CNTNAP2: variants seen among roughly 807,000 people sequenced by gnomAD.
The protein encoded by CNTNAP2 is contactin-associated protein-like 2.
A neutral mutation model predicts 155.2 loss-of-function variants in CNTNAP2; 98 were observed. The observed-to-expected ratio is 0.63, with a 90% CI of 0.54 to 0.75. The LOEUF (loss-of-function observed/expected upper bound fraction) is 0.75. CNTNAP2 is among the 30% of genes least tolerant of loss of function. The pLI is 0.00. For missense variants in CNTNAP2, 1,727 were observed against 1,688.1 expected, an observed-to-expected ratio of 1.02 and a Z score of -0.40; for synonymous variants, 651 against 631.2, an observed-to-expected ratio of 1.03 and a Z score of -0.47.
At position 147,738,650 on chromosome 7, in the gene CNTNAP2, C is replaced by CTTTTTTTTTTTTTTT. The variant is rs111611444; in HGVS notation, c.2098+99355_2098+99356insTTTTTTTTTTTTTTT. Among the ~76,000 whole-genome samples, 5 of 57,544 alleles carry CTTTTTTTTTTTTTTT rather than the reference C, an allele frequency of 8.7e-5. 1 individual carries two copies. Among genetic ancestry groups the CTTTTTTTTTTTTTTT allele is most frequent in the African/African-American group, 1.9e-4 (3 of 15,418 alleles). The allele number at this position is 57,544 out of a possible 152,430, so 37.8% of individuals were successfully genotyped here. Reference sequence around the variant, plus strand: ...TAGACACAGTATAATGTAAACATAACTTTTTTTTTTTATTTTTTTTTTTAG... The same window carrying CTTTTTTTTTTTTTTT: ...TAGACACAGTATAATGTAAACATAACTTTTTTTTTTTTTTTTTTTTTTTTTTATTTTTTTTTTTAG... On this transcript the variant is annotated intron_variant, in intron 13 of 23. Coordinates refer to ENST00000361727, the MANE Select transcript of CNTNAP2 (RefSeq NM_014141.6).
chr7:146,458,761 C>T (rs1796593956), intron 1 of CNTNAP2, among the ~76,000 whole-genome samples: 2 of 152,090 alleles, frequency 1.3e-5, no homozygotes, highest in Admixed American at 1.3e-4. Flanking sequence ...TCCATAATGT[C>T]TGTGGGTCTC....
At chr7:146,827,593 C>G (rs981112187) in intron 2 of CNTNAP2, among the ~76,000 whole-genome samples, 1 of 151,472 alleles carries the variant, frequency 6.6e-6, no homozygotes, top group African/African-American at 2.4e-5. Flanking sequence ...CTAGGGAAGC[C>G]AAGAAATTAT....
chr7:146,639,763 C>T (rs557442293), intron 1 of CNTNAP2, among the ~76,000 whole-genome samples: 78 of 152,318 alleles, frequency 5.1e-4, no homozygotes, highest in Non-Finnish European at 9.4e-4. Context: ...TAATCAGAAT[C>T]TATCAAAGAC....
chr7:146,795,449 G>A (rs1338388338), intron 2 of CNTNAP2, among the ~76,000 whole-genome samples: 1 of 152,204 alleles, frequency 6.6e-6, no homozygotes, highest in Non-Finnish European at 1.5e-5. Context: ...CAATGAAAGT[G>A]TTCCTGGGGA....
chr7:146,622,233 ATG>A (rs1563160470), intron 1 of CNTNAP2, among the ~76,000 whole-genome samples: 1 of 144,602 alleles, frequency 6.9e-6, no homozygotes, highest in African/African-American at 2.5e-5. Flanking sequence ...GTATATATAT[ATG>A]TGTGTGTATA....
chr7:146,522,032 G>T (rs1295063101), intron 1 of CNTNAP2, among the ~76,000 whole-genome samples: 2 of 151,798 alleles, frequency 1.3e-5, no homozygotes, highest in East Asian at 3.9e-4. Context: ...GGAGCACATT[G>T]AAAAACAAAA....
At chr7:147,407,047 A>C (rs1563192713) in intron 10 of CNTNAP2, among the ~76,000 whole-genome samples, 1 of 152,340 alleles carries the variant, frequency 6.6e-6, no homozygotes, top group Non-Finnish European at 1.5e-5. Flanking sequence ...TCATGAACAC[A>C]CTTCAGTGAA....
intron 13 of CNTNAP2, among the ~76,000 whole-genome samples, chr7:147,717,051 A>G (rs1025312277): frequency 2.6e-5 from 4 of 152,122 alleles, no homozygotes; most frequent in Admixed American, 1.3e-4. Flanking sequence ...TTTGACAACA[A>G]TATCAGTGGA....
At chr7:147,214,731 T>C (rs1398799954) in intron 8 of CNTNAP2, among the ~76,000 whole-genome samples, 1 of 152,148 alleles carries the variant, frequency 6.6e-6, no homozygotes, top group Non-Finnish European at 1.5e-5. Context: ...AGATATCCTG[T>C]ATATTTCCTG....
chr7:147,792,408 T>C (rs1372199290), intron 13 of CNTNAP2, among the ~76,000 whole-genome samples: 2 of 152,172 alleles, frequency 1.3e-5, no homozygotes, highest in African/African-American at 2.4e-5. Flanking sequence ...TCTTAGACTT[T>C]GCATATAAAT....
At chr7:146,681,211 C>G (rs1405212792) in intron 1 of CNTNAP2, among the ~76,000 whole-genome samples, 1 of 151,022 alleles carries the variant, frequency 6.6e-6, no homozygotes, top group Non-Finnish European at 1.5e-5. Flanking sequence ...GCAACAAGTG[C>G]TAAGTCATGG....
chr7:147,940,303 T>TAAAAAAAAAAAAAAAAA (rs59484615), intron 14 of CNTNAP2: 4 of 91,694 alleles, frequency 4.4e-5, no homozygotes, highest in African/African-American at 1.5e-4. Context: ...CCTGTCTCTT[T>TAAAAAAAAAAAAAAAAA]AAAAAAAAAA....
intron 3 of CNTNAP2, among the ~76,000 whole-genome samples, chr7:146,943,897 T>A (rs1003905012): frequency 6.6e-6 from 1 of 152,178 alleles, no homozygotes; most frequent in African/African-American, 2.4e-5. Context: ...TTTAGGAGGA[T>A]ACTGACAACA....
At chr7:146,260,478 G>C (rs534979637) in intron 1 of CNTNAP2, among the ~76,000 whole-genome samples, 1 of 152,224 alleles carries the variant, frequency 6.6e-6, no homozygotes, top group African/African-American at 2.4e-5. Flanking sequence ...GTATCCTGCA[G>C]AGCCACAGAG....
At chr7:146,911,738 A>G (rs6967660) in intron 3 of CNTNAP2, among the ~76,000 whole-genome samples, 38,236 of 151,290 alleles carry the variant, frequency 0.25, 5,626 homozygotes, top group Non-Finnish European at 0.33. Context: ...GCGCACCAGC[A>G]TGGCACATGT....
intron 21 of CNTNAP2, among the ~76,000 whole-genome samples, chr7:148,336,647 TC>T (rs1430212398): frequency 6.6e-6 from 1 of 152,096 alleles, no homozygotes; most frequent in East Asian, 1.9e-4. Flanking sequence ...TTTCCCTCTG[TC>T]CCCCAGTCTA....
chr7:148,154,501 A>G (rs1329714541), intron 17 of CNTNAP2, among the ~76,000 whole-genome samples: 1 of 152,216 alleles, frequency 6.6e-6, no homozygotes, highest in Non-Finnish European at 1.5e-5. Context: ...GTGCCATCTG[A>G]AATGCAGTAT....
At chr7:147,619,736 C>T (rs1801357505) in intron 12 of CNTNAP2, among the ~76,000 whole-genome samples, 1 of 152,174 alleles carries the variant, frequency 6.6e-6, no homozygotes, top group South Asian at 2.1e-4. Flanking sequence ...CTGGACCTAC[C>T]TGGGACCTCG....
chr7:146,816,144 C>T (rs1243810503), intron 2 of CNTNAP2, among the ~76,000 whole-genome samples: 1 of 152,160 alleles, frequency 6.6e-6, no homozygotes, highest in African/African-American at 2.4e-5. Context: ...GCCACGTTTT[C>T]TTAATCCAGT....
Sources: allele counts gnomAD v4.1 joint callset (sites outside exome capture counted in the v4.1 genomes callset), GRCh38; gene constraint gnomAD v4.1.1; transcripts MANE v1.5; gene names NCBI Gene and HGNC (gene_info 2026-07-23, HGNC 2026-07-21).